ADGRD2: variants seen among roughly 807,000 people sequenced by gnomAD.
ADGRD2 encodes the protein adhesion G protein-coupled receptor D2.
A neutral mutation model predicts 44.4 loss-of-function variants in ADGRD2; 71 were observed. The ratio of observed to expected loss-of-function variants is 1.60; its 90% confidence interval spans 1.32 to 1.95. The LOEUF is 1.95. ADGRD2 is among the 30% of genes most tolerant of loss of function. ADGRD2 has a pLI of 0.00. For missense variants in ADGRD2, 1,039 were observed against 512.4 expected, an observed-to-expected ratio of 2.03 and a Z score of -9.92; for synonymous variants, 481 against 224.8, an observed-to-expected ratio of 2.14 and a Z score of -10.19.
chr9:124,465,302 CCTGT>C (rs1365217740), intron 10 of ADGRD2: 1 of 152,724 alleles, frequency 6.5e-6, no homozygotes, highest in African/African-American at 2.4e-5. Context: ...GCTGGTGGAG[CCTGT>C]CTGTGCTTTC....
Position 124,470,469 on chromosome 9 carries a change from G to A in ADGRD2, c.2638-25G>A, listed in dbSNP as rs142176856. 230 of 703,404 alleles carry A rather than the reference G, an allele frequency of 3.3e-4. 3 individuals carry two copies. In the East Asian group the frequency reaches 5.4e-3, roughly 17 times the overall value. The allele number at this position is 703,404 out of a possible 1,614,324, so 43.6% of individuals were successfully genotyped here. On this transcript the variant is annotated intron_variant, in intron 16 of 21. Coordinates refer to ENST00000334810, the Ensembl canonical transcript of ADGRD2. Reference sequence around the variant, plus strand: ...GAGCTCCCCAGGCCTCCCAACCCCCGTCAGCCCTGCCTGCCCTCCTACAGG... The same window carrying A: ...GAGCTCCCCAGGCCTCCCAACCCCCATCAGCCCTGCCTGCCCTCCTACAGG...
chr9:124,457,577 C>T (rs753991899), exon 8 of ADGRD2: 32 of 673,372 alleles, frequency 4.8e-5, no homozygotes, highest in Middle Eastern at 4.7e-4. Flanking sequence ...CACATTCCTG[C>T]GAGTGAAGTG....
rs1831668467 is a variant in ADGRD2, at chr9:124,458,728, GGTGGC to G, written c.1870+9_1870+13del. ...TCTCCAGCACCGGGCCCAGGTACTG[GGTGGC>G]GCTTCTGGGAAGCAGCCATCCTGGC... is the stretch of plus-strand genomic sequence containing the variant. On this transcript the variant is annotated splice_region_variant and intron_variant, in intron 10 of 21. Transcript: ENST00000334810. 1.4e-6 allele frequency: 1 copy of G among 717,630 alleles called. No individual in the cohort carries two copies. The highest frequency in any genetic ancestry group is 1.7e-5 in the African/African-American group (1 of 57,232). 44.5% of individuals were successfully genotyped at this position (717,630 alleles called of 1,614,324 possible).
Position 124,460,228 on chromosome 9 carries a change from G to A in ADGRD2, c.1870+1507G>A, listed in dbSNP as rs1831702326. On this transcript the variant is annotated intron_variant, in intron 10 of 21. Transcript: ENST00000334810. ...TTTTTTTTTTTTTTTTTGAGACTGA[G>A]TCTCACTCTGTCACCCAGGCTGGAG... is the stretch of plus-strand genomic sequence containing the variant. Among the ~76,000 whole-genome samples the A allele has an allele frequency of 6.9e-5, 10 of 145,554 alleles. No homozygotes were observed. The South Asian group carries it at 2.2e-3, about 32-fold the overall frequency.
At chr9:124,456,526 C>A (rs1162010779) in intron 6 of ADGRD2, 96 bp from the exon 10 acceptor site, 23 of 685,596 alleles carry the variant, frequency 3.4e-5, no homozygotes, top group Non-Finnish European at 1.1e-5. Context: ...AGGGCAGGAC[C>A]ACCTCCCAGA....
intron 10 of ADGRD2, among the ~76,000 whole-genome samples, chr9:124,464,659 T>C (rs895978596): frequency 9.9e-5 from 15 of 152,228 alleles, no homozygotes; most frequent in African/African-American, 2.4e-4. Flanking sequence ...CCACCTGATA[T>C]GTCTTCACTG....
intron 21 of ADGRD2, among the ~76,000 whole-genome samples, chr9:124,477,900 T>C (rs1419381087): frequency 6.7e-6 from 1 of 150,348 alleles, no homozygotes; most frequent in Non-Finnish European, 1.5e-5. Flanking sequence ...CTCCGCTGAA[T>C]GGGTGCGTTG....
intron 1 of ADGRD2, 137 bp from the exon 5 acceptor site, chr9:124,452,373 G>A: frequency 1.5e-6 from 1 of 670,694 alleles, no homozygotes; most frequent in Non-Finnish European, 2.8e-6. Context: ...ACAGGACTCA[G>A]CAGGCCATAG....
exon 22 of ADGRD2, chr9:124,478,357 C>G (rs1406202218): frequency 6.6e-6 from 1 of 152,502 alleles, no homozygotes; most frequent in Non-Finnish European, 1.5e-5. Context: ...GACCCCAGAA[C>G]GGCGCAGCGG....
chr9:124,476,818 C>T (rs779516410), intron 21 of ADGRD2, 109 bp downstream of exon 24: 17 of 672,322 alleles, frequency 2.5e-5, no homozygotes, highest in South Asian at 8.0e-5. Context: ...CCCAACCTCC[C>T]GCAATTGCAG....
chr9:124,466,697 C>T lies in ADGRD2; in HGVS notation c.2026+284C>T, dbSNP rs546036256. The T allele has an allele frequency of 5.0e-5, 11 of 219,876 alleles. No homozygotes were observed. The South Asian group carries it at 1.3e-3, about 25-fold the overall frequency. 13.6% of individuals were successfully genotyped at this position (219,876 alleles called of 1,614,324 possible). A position where few individuals can be genotyped will look rare whatever the true frequency, so the allele number is the denominator to read the frequency against. On this transcript the variant is annotated intron_variant, in intron 11 of 21. Coordinates refer to ENST00000334810, the Ensembl canonical transcript of ADGRD2. ...TGGTGGCTCGTGCCTATAGTCCCAA[C>T]TATTCAGGAGGCTGAGGCAGGAGGA...
chr9:124,453,538 G>A, exon 3 of ADGRD2: 1 of 697,630 alleles, frequency 1.4e-6, no homozygotes, highest in Non-Finnish European at 2.6e-6. Flanking sequence ...GTGGGCGCGG[G>A]CGCTGAGCCC....
At chr9:124,451,595 C>CT (rs908947258), upstream of ADGRD2, 21 of 282,004 alleles carry the variant, frequency 7.4e-5, no homozygotes, top group Non-Finnish European at 9.7e-5. Context: ...TTTCCTGCGA[C>CT]TTTTTTTTCC....
chr9:124,474,645 G>A (rs1004228934), intron 17 of ADGRD2, among the ~76,000 whole-genome samples: 4 of 152,178 alleles, frequency 2.6e-5, no homozygotes, highest in Admixed American at 2.0e-4. Context: ...CGCCTGGGCC[G>A]CAGCACAGAA....
In ADGRD2 at chr9:124,473,842, C is replaced by T. The variant is rs114441243; in HGVS notation, c.2759-1604C>T. Among the ~76,000 whole-genome samples, 955 of 144,254 alleles carry T rather than the reference C, an allele frequency of 6.6e-3. 11 individuals carry two copies. Among genetic ancestry groups the T allele is most frequent in the African/African-American group, 0.024 (930 of 38,452 alleles). 94.6% of individuals were successfully genotyped at this position (144,254 alleles called of 152,430 possible). Reference sequence around the variant, plus strand: ...AAGACCTGACGGCTGTATGGAGAGGCGGAAAAGAATGTTTTAAACCAGGGG... The same window carrying T: ...AAGACCTGACGGCTGTATGGAGAGGTGGAAAAGAATGTTTTAAACCAGGGG... On this transcript the variant is annotated intron_variant, in intron 17 of 21. Coordinates refer to ENST00000334810, the Ensembl canonical transcript of ADGRD2.
Position 124,454,953 on chromosome 9 carries a change from G to T in ADGRD2, c.1221G>T (p.Gly407=). The T allele has an allele frequency of 1.4e-6, 1 of 717,850 alleles. No individual in the cohort carries two copies. Among genetic ancestry groups the T allele is most frequent in the South Asian group, 1.5e-5 (1 of 67,594 alleles). The allele number at this position is 717,850 out of a possible 1,614,324, so 44.5% of individuals were successfully genotyped here. A position where few individuals can be genotyped will look rare whatever the true frequency, so the allele number is the denominator to read the frequency against. Residue 407 remains glycine, a synonymous_variant, in exon 6 of 22, where the codon GGG becomes GGT. Coordinates refer to ENST00000334810, the Ensembl canonical transcript of ADGRD2. The surrounding 1 kb of genome is among the most constrained non-coding windows in gnomAD (Gnocchi z 4.5). Reference sequence around the variant, plus strand: ...TGGCGATGGAGATGGCTCCCCTGGGGCCGGCCGCACTGCTGGCTGTTGTCC... The same window carrying T: ...TGGCGATGGAGATGGCTCCCCTGGGTCCGGCCGCACTGCTGGCTGTTGTCC...
At chr9:124,452,280 T>A in intron 1 of ADGRD2, 126 bp downstream of exon 4, 2 of 635,930 alleles carry the variant, frequency 3.1e-6, no homozygotes, top group South Asian at 1.9e-5. Context: ...ACCCCCACCA[T>A]ACCAGGCCCT....
intron 19 of ADGRD2, among the ~76,000 whole-genome samples, chr9:124,476,054 T>G (rs972020701): frequency 1.3e-5 from 2 of 152,098 alleles, no homozygotes; most frequent in Non-Finnish European, 2.9e-5. Context: ...TCCCTGGGGT[T>G]CCATGCAGAA....
chr9:124,472,476 TTTTG>T (rs1230621835), intron 17 of ADGRD2, among the ~76,000 whole-genome samples: 4 of 110,690 alleles, frequency 3.6e-5, no homozygotes, highest in African/African-American at 1.5e-4. Context: ...TGTTTTTTGT[TTTTG>T]TTTTGTTTTT....
Sources: allele counts gnomAD v4.1 joint callset (sites outside exome capture counted in the v4.1 genomes callset), GRCh38; gene constraint gnomAD v4.1.1; non-coding constraint Gnocchi (gnomAD v3.1); transcripts MANE v1.5; gene names NCBI Gene and HGNC (gene_info 2026-07-23, HGNC 2026-07-21).